The following TRPV3 variants were observed in gnomAD, a reference collection of about 807,000 sequenced individuals.
TRPV3 encodes VRL-3.
A neutral mutation model predicts 87.1 loss-of-function variants in TRPV3; 88 were observed. The ratio of observed to expected loss-of-function variants is 1.01; its 90% CI spans 0.85 to 1.21. The LOEUF (loss-of-function observed/expected upper bound fraction) is 1.21, where lower values mean the gene tolerates loss of function less well. TRPV3 is among the 50% of genes most tolerant of loss of function. TRPV3 has a pLI of 0.00. For missense variants in TRPV3, 1,054 were observed against 1,030.1 expected (o/e 1.02, Z -0.32); for synonymous variants, 438 against 423.3 (o/e 1.03, Z -0.43).
chr17:3,514,711 C>A (rs750108920), intron 16 of TRPV3, 39 bp from the exon 17 acceptor site: 3 of 1,483,820 alleles, frequency 2.0e-6, no homozygotes, highest in South Asian at 1.1e-5. Context: ...TTCACCAGTG[C>A]CTCACTGAGT....
At chr17:3,542,061 A>G (rs1186937445) in intron 6 of TRPV3, among the ~76,000 whole-genome samples, 1 of 152,034 alleles carries the variant, frequency 6.6e-6, no homozygotes, top group Non-Finnish European at 1.5e-5. Flanking sequence ...GGTTCAGGTG[A>G]TTCTCCTGCC....
Position 3,511,286 on chromosome 17 carries a change from G to A in TRPV3, c.*2631C>T, listed in dbSNP as rs1373700994. The A allele has an allele frequency of 6.6e-6, 1 of 152,158 alleles. No individual in the cohort carries two copies. Among genetic ancestry groups the A allele is most frequent in the Non-Finnish European group, 1.5e-5 (1 of 68,020 alleles). The allele number at this position is 152,158 out of a possible 1,614,324, so 9.4% of individuals were successfully genotyped here. On this transcript the variant is annotated 3_prime_UTR_variant, in exon 18 of 18. Coordinates refer to ENST00000576742, the MANE Select transcript of TRPV3 (RefSeq NM_145068.4). ...GCCAAATGAGACACCTGAGAAAATA[G>A]TCCTGCCCCCCAATATAAGCGAAAT...
rs923783283 is a variant in TRPV3, at chr17:3,513,170, C to T, written c.*747G>A. ...CAGCCCCAAAGCCCCCAGTCTGTCTCCACTTTTAAAATCACAAACTTCATT... is the reference window on the plus strand; with the variant it reads ...CAGCCCCAAAGCCCCCAGTCTGTCTTCACTTTTAAAATCACAAACTTCATT... On this transcript the variant is annotated 3_prime_UTR_variant, in exon 18 of 18. Transcript: ENST00000576742. 6.6e-6 allele frequency: 1 copy of T among 152,658 alleles called. No homozygotes were observed. The highest frequency in any genetic ancestry group is 2.4e-5 in the African/African-American group (1 of 41,452). 9.5% of individuals were successfully genotyped at this position (152,658 alleles called of 1,614,324 possible).
intron 2 of TRPV3, 116 bp downstream of exon 2, chr17:3,554,616 G>C (rs576177060): frequency 5.4e-6 from 4 of 734,122 alleles, no homozygotes; most frequent in East Asian, 2.6e-5. Flanking sequence ...GGGCCACCCC[G>C]GGCGAGACTG....
At chr17:3,546,704 G>A (rs1176791083) in intron 2 of TRPV3, 2 of 455,210 alleles carry the variant, frequency 4.4e-6, no homozygotes, top group South Asian at 3.1e-5. Flanking sequence ...TAGGCCAGGT[G>A]TGGTGGCTCA....
Position 3,518,450 on chromosome 17 carries a change from C to A in TRPV3, c.2085+126G>T. 8.6e-7 allele frequency: 1 copy of A among 1,157,948 alleles called. No homozygotes were observed. The highest frequency in any genetic ancestry group is 1.6e-5 in the South Asian group (1 of 61,852). The allele number at this position is 1,157,948 out of a possible 1,614,324, so 71.7% of individuals were successfully genotyped here. ...TAAGGCCTCCTCAAACCTGGCCACACACTGAGGAGCTTGTGCAGATTCTCA... is the reference window on the plus strand; with the variant it reads ...TAAGGCCTCCTCAAACCTGGCCACAAACTGAGGAGCTTGTGCAGATTCTCA... On this transcript the variant is annotated intron_variant, in intron 15 of 17. Coordinates refer to ENST00000576742, the MANE Select transcript of TRPV3 (RefSeq NM_145068.4). This position sits in a 1 kb window ranked among gnomAD's most constrained non-coding sequence, Gnocchi z 4.3.
chr17:3,521,056 A>G lies in TRPV3; in HGVS notation c.1744-17T>C. 1.3e-6 allele frequency: 2 copies of G among 1,575,324 alleles called. No homozygotes were observed. The highest frequency in any genetic ancestry group is 1.7e-6 in the Non-Finnish European group (2 of 1,148,108). ...CAAAATGACCTATAAGGAAATAAAC[A>G]TAATTCAAGTGTAAGGTGCAAGCAC... On this transcript the variant is annotated splice_polypyrimidine_tract_variant and intron_variant, in intron 13 of 17. Transcript: ENST00000576742.
rs1173096692 is a variant in TRPV3, at chr17:3,556,763, G to A, written c.-3+913C>T. ...GCAGGTGGAGTAGCCCACAGAGAGG[G>A]ACTCCTGGGCACCCGGCCCTCCCGT... On this transcript the variant is annotated intron_variant, in intron 1 of 17. Coordinates refer to ENST00000576742, the MANE Select transcript of TRPV3 (RefSeq NM_145068.4). This position sits in a 1 kb window ranked among gnomAD's most constrained non-coding sequence, Gnocchi z 4.2. Among the ~76,000 whole-genome samples the A allele has an allele frequency of 6.6e-6, 1 of 152,156 alleles. No homozygotes were observed. Among genetic ancestry groups the A allele is most frequent in the Non-Finnish European group, 1.5e-5 (1 of 68,016 alleles).
rs2150774013 is a variant in TRPV3 at position 3,511,662 on chromosome 17, G to A, written c.*2255C>T. Reference sequence around the variant, plus strand: ...CAAATTCCATCCAGACCCACAGACAGCAGATCACCAAAACATGTGAGATGA... The same window carrying A: ...CAAATTCCATCCAGACCCACAGACAACAGATCACCAAAACATGTGAGATGA... On this transcript the variant is annotated 3_prime_UTR_variant, in exon 18 of 18. Transcript: ENST00000576742. 6.6e-6 allele frequency: 1 copy of A among 152,342 alleles called. No homozygotes were observed. The highest frequency in any genetic ancestry group is 1.5e-5 in the Non-Finnish European group (1 of 68,048). 9.4% of individuals were successfully genotyped at this position (152,342 alleles called of 1,614,324 possible). A position where few individuals can be genotyped will look rare whatever the true frequency, so the allele number is the denominator to read the frequency against.
intron 2 of TRPV3, chr17:3,554,454 G>C (rs979329400): frequency 2.9e-6 from 1 of 341,950 alleles, no homozygotes; most frequent in East Asian, 4.7e-5. Flanking sequence ...ACCTCCCTCA[G>C]GAGCCCTCCT....
chr17:3,552,325 C>T (rs2074583908), intron 2 of TRPV3: 1 of 152,130 alleles, frequency 6.6e-6, no homozygotes, highest in African/African-American at 2.4e-5. Flanking sequence ...TCCCAAGTAA[C>T]TGGGACTATA....
Position 3,545,304 on chromosome 17 carries a change from G to A in TRPV3, c.120-33C>T, listed in dbSNP as rs147510969. Reference sequence around the variant, plus strand: ...AACACGGAGGAAGCCTGTTAGGGCCGAGCCAGGCAGAGCCTGTCTGCCTGT... The same window carrying A: ...AACACGGAGGAAGCCTGTTAGGGCCAAGCCAGGCAGAGCCTGTCTGCCTGT... On this transcript the variant is annotated intron_variant, in intron 2 of 17. Coordinates refer to ENST00000576742, the MANE Select transcript of TRPV3 (RefSeq NM_145068.4). The A allele has an allele frequency of 3.4e-4, 510 of 1,496,030 alleles. No homozygotes were observed. The African/African-American group carries it at 5.9e-3, about 17-fold the overall frequency. The allele number at this position is 1,496,030 out of a possible 1,614,324, so 92.7% of individuals were successfully genotyped here. A position where few individuals can be genotyped will look rare whatever the true frequency, so the allele number is the denominator to read the frequency against.
chr17:3,548,239 G>A (rs1032763948), intron 2 of TRPV3, among the ~76,000 whole-genome samples: 3 of 152,180 alleles, frequency 2.0e-5, no homozygotes, highest in African/African-American at 7.2e-5. Flanking sequence ...TCTCAGCTGT[G>A]TCACATTCAG....
Position 3,511,520 on chromosome 17 carries a change from C to T in TRPV3, c.*2397G>A, listed in dbSNP as rs1304346610. ...GGAAGTGCTCCTTTTCACTCTGATG[C>T]TTCTTGACTTATGGCTTCCCTTGGT... On this transcript the variant is annotated 3_prime_UTR_variant, in exon 18 of 18. Transcript: ENST00000576742. 1.3e-5 allele frequency: 2 copies of T among 152,232 alleles called. No homozygotes were observed. Among genetic ancestry groups the T allele is most frequent in the African/African-American group, 2.4e-5 (1 of 41,456 alleles). 9.4% of individuals were successfully genotyped at this position (152,232 alleles called of 1,614,324 possible). A position where few individuals can be genotyped will look rare whatever the true frequency, so the allele number is the denominator to read the frequency against.
rs775307313 is a variant in TRPV3 at position 3,524,296 on chromosome 17, C to T, written c.1645G>A (p.Ala549Thr). The change falls in exon 13 of 18, where the codon GCC (alanine) becomes ACC (threonine). Residue 549 changes from alanine (A) to threonine (T), a missense_variant. Ala to Thr is a moderately conservative substitution (Grantham distance 58). Transcript: ENST00000576742. The part of the protein sequence containing the change: ...LYLFAYKEYL[A>T]CLVLAMALGW... ...AGGGCCATGGCCAGCACGAGGCAGGCGAGGTACTCTTTGTAGGCAAACAAG... is the reference window on the plus strand; with the variant it reads ...AGGGCCATGGCCAGCACGAGGCAGGTGAGGTACTCTTTGTAGGCAAACAAG... 3.4e-5 allele frequency: 55 copies of T among 1,614,104 alleles called. No homozygotes were observed. Among genetic ancestry groups the T allele is most frequent in the Middle Eastern group, 1.6e-4 (1 of 6,084 alleles).
At chr17:3,532,024 T>A (rs917920267) in intron 8 of TRPV3, among the ~76,000 whole-genome samples, 15 of 152,176 alleles carry the variant, frequency 9.9e-5, no homozygotes, top group African/African-American at 3.6e-4. Context: ...GGAACACGCT[T>A]GGACCCCAGA....
In TRPV3 at chr17:3,542,550, G is replaced by A. The variant is rs372599650; in HGVS notation, c.615C>T (p.Asn205=). 7.7e-5 allele frequency: 124 copies of A among 1,613,974 alleles called. No homozygotes were observed. Among genetic ancestry groups the A allele is most frequent in the African/African-American group, 3.7e-4 (28 of 74,902 alleles). Residue 205 remains asparagine, a synonymous_variant, in exon 6 of 18, where the codon AAC becomes AAT. Coordinates refer to ENST00000576742, the MANE Select transcript of TRPV3 (RefSeq NM_145068.4). ...EENDILGRFI[N]AEYTEEAYEG... is the part of the protein sequence containing the mutation. ...CATAGGCCTCCTCTGTGTACTCGGC[G>A]TTGATGAACCTGCCCAGGATGTCGT...
At chr17:3,533,087 A>ATGG in intron 7 of TRPV3, 150 bp from the exon 8 acceptor site, 5 of 939,654 alleles carry the variant, frequency 5.3e-6, no homozygotes, top group Non-Finnish European at 7.9e-6. Flanking sequence ...TACGGGGAAG[A>ATGG]GTGAAGCTAG....
rs1005286460 is a variant in TRPV3, at chr17:3,556,159, A to G, written c.-2-1307T>C. 6.6e-6 allele frequency among the ~76,000 whole-genome samples: 1 copy of G among 151,374 alleles called. No individual in the cohort carries two copies. The highest frequency in any genetic ancestry group is 2.4e-5 in the African/African-American group (1 of 41,286). ...GCCACTGCACTCCAGCCTGGGCGAC[A>G]GAGCGAGACTCCGTCTCAAAAAAAA... On this transcript the variant is annotated intron_variant, in intron 1 of 17. Transcript: ENST00000576742. The surrounding 1 kb of genome is among the most constrained non-coding windows in gnomAD (Gnocchi z 4.2).
Sources: allele counts gnomAD v4.1 joint callset (sites outside exome capture counted in the v4.1 genomes callset), GRCh38; gene constraint gnomAD v4.1.1; non-coding constraint Gnocchi (gnomAD v3.1); transcripts MANE v1.5; gene names NCBI Gene and HGNC (gene_info 2026-07-23, HGNC 2026-07-21).